PTPRD: variants seen among roughly 807,000 people sequenced by gnomAD.
PTPRD encodes the protein protein tyrosine phosphatase receptor type D.
A neutral mutation model predicts 214.5 loss-of-function variants in PTPRD; 34 were observed. The observed-to-expected ratio is 0.16, with a 90% CI of 0.12 to 0.21. PTPRD has a LOEUF of 0.21. PTPRD is among the 10% of genes least tolerant of loss of function. The probability of loss-of-function intolerance (pLI) is 1.00; values close to 1 mark genes in which losing one functional copy is unlikely to be tolerated. For missense variants in PTPRD, 2,545 were observed against 2,398.7 expected (o/e 1.06, Z -1.27); for synonymous variants, 1,128 against 845.7 (o/e 1.33, Z -5.79).
At chr9:8,511,629 C>T (rs1267448138) in intron 21 of PTPRD, among the ~76,000 whole-genome samples, 2 of 152,034 alleles carry the variant, frequency 1.3e-5, no homozygotes, top group African/African-American at 2.4e-5. Context: ...GCAGTTACTT[C>T]ATATTCAAAG....
At chr9:8,631,036 G>C (rs1019118843) in intron 14 of PTPRD, among the ~76,000 whole-genome samples, 3 of 151,924 alleles carry the variant, frequency 2.0e-5, no homozygotes, top group Admixed American at 6.6e-5. Flanking sequence ...TAAATAAATG[G>C]AGATTAAAAT....
chr9:10,236,343 C>T (rs1236173997), intron 3 of PTPRD, among the ~76,000 whole-genome samples: 2 of 151,872 alleles, frequency 1.3e-5, no homozygotes, highest in Non-Finnish European at 2.9e-5. Context: ...TTCTGGCGTA[C>T]TAAGAATGTT....
At chr9:10,488,271 G>A (rs2099146124) in intron 2 of PTPRD, among the ~76,000 whole-genome samples, 1 of 151,594 alleles carries the variant, frequency 6.6e-6, no homozygotes, top group African/African-American at 2.4e-5. Context: ...GGAGGCTGAG[G>A]CAGGAGAATG....
chr9:8,846,002 G>T (rs1244915625), intron 11 of PTPRD, among the ~76,000 whole-genome samples: 3 of 152,210 alleles, frequency 2.0e-5, no homozygotes, highest in Admixed American at 6.5e-5. Context: ...ATTGCTTTTG[G>T]TTCAATAATG....
At chr9:8,432,779 T>G (rs1216705586) in intron 35 of PTPRD, among the ~76,000 whole-genome samples, 2 of 152,326 alleles carry the variant, frequency 1.3e-5, no homozygotes, top group South Asian at 2.1e-4. Context: ...ATCTCCTTCA[T>G]GCCGGTTAAG....
At chr9:9,075,397 G>A (rs768367972) in intron 10 of PTPRD, among the ~76,000 whole-genome samples, 2 of 151,608 alleles carry the variant, frequency 1.3e-5, no homozygotes, top group African/African-American at 2.4e-5. Flanking sequence ...TTATTCATTC[G>A]ATATCGGTAT....
chr9:10,354,455 G>A (rs10118105), intron 2 of PTPRD, among the ~76,000 whole-genome samples: 77,100 of 151,942 alleles, frequency 0.51, 22,615 homozygotes, highest in African/African-American at 0.82. Context: ...TCACTTTTAT[G>A]AATGAAGCCT....
intron 8 of PTPRD, among the ~76,000 whole-genome samples, chr9:9,447,145 C>T (rs142559346): frequency 6.0e-4 from 92 of 152,192 alleles, no homozygotes; most frequent in Non-Finnish European, 1.1e-3. Flanking sequence ...TACTATTTAA[C>T]CCAGCAATCC....
intron 4 of PTPRD, among the ~76,000 whole-genome samples, chr9:9,942,605 A>T (rs1224531049): frequency 6.6e-6 from 1 of 152,130 alleles, no homozygotes; most frequent in Non-Finnish European, 1.5e-5. Flanking sequence ...TTGTGCTTCT[A>T]CCGACAATCT....
At chr9:8,686,965 T>A (rs1012256911) in intron 12 of PTPRD, among the ~76,000 whole-genome samples, 1 of 152,180 alleles carries the variant, frequency 6.6e-6, no homozygotes, top group Non-Finnish European at 1.5e-5. Context: ...GTGTAAGATA[T>A]GGTATTTCCC....
chr9:10,231,625 A>C (rs2154356506), intron 3 of PTPRD, among the ~76,000 whole-genome samples: 1 of 152,102 alleles, frequency 6.6e-6, no homozygotes, highest in Admixed American at 6.6e-5. Flanking sequence ...TACCCTTAAC[A>C]CTTAGGCAAT....
chr9:9,759,365 G>C (rs991718559), intron 6 of PTPRD, among the ~76,000 whole-genome samples: 22 of 152,096 alleles, frequency 1.4e-4, no homozygotes, highest in African/African-American at 5.3e-4. Context: ...TCCTCAAGAA[G>C]TCCCCACAAC....
chr9:10,043,618 A>ACAATTCAGAGTGTTTTAT (rs1339640255), intron 3 of PTPRD, among the ~76,000 whole-genome samples: 1 of 151,876 alleles, frequency 6.6e-6, no homozygotes, highest in Non-Finnish European at 1.5e-5. Context: ...GTTTAGGTCC[A>ACAATTCAGAGTGTTTTAT]CAATTCAGAG....
chr9:9,439,977 G>A (rs898652462), intron 8 of PTPRD, among the ~76,000 whole-genome samples: 1 of 152,162 alleles, frequency 6.6e-6, no homozygotes, highest in Non-Finnish European at 1.5e-5. Context: ...TCATGACATA[G>A]TAAAGTCACT....
chr9:8,796,388 C>A (rs1174304871), intron 11 of PTPRD, among the ~76,000 whole-genome samples: 1 of 152,094 alleles, frequency 6.6e-6, no homozygotes, highest in African/African-American at 2.4e-5. Flanking sequence ...ACAAAATGTT[C>A]TTCAGTAGGC....
chr9:9,218,409 C>T (rs530562679), intron 9 of PTPRD, among the ~76,000 whole-genome samples: 12 of 152,208 alleles, frequency 7.9e-5, no homozygotes, highest in South Asian at 4.1e-4. Flanking sequence ...GAAAATTTTA[C>T]GGAGTTTAAT....
chr9:9,946,676 T>G (rs1304604641), intron 4 of PTPRD, among the ~76,000 whole-genome samples: 1 of 152,062 alleles, frequency 6.6e-6, no homozygotes, highest in Non-Finnish European at 1.5e-5. Flanking sequence ...GGAGAACAGC[T>G]TGATCAGAGG....
intron 8 of PTPRD, among the ~76,000 whole-genome samples, chr9:9,505,215 A>G (rs895384455): frequency 9.9e-5 from 15 of 151,560 alleles, no homozygotes; most frequent in Non-Finnish European, 1.9e-4. Context: ...GTCTACCACA[A>G]TGGTTTCATT....
intron 8 of PTPRD, among the ~76,000 whole-genome samples, chr9:9,449,993 C>T (rs1331625564): frequency 6.6e-6 from 1 of 151,922 alleles, no homozygotes; most frequent in Non-Finnish European, 1.5e-5. Context: ...ATTTGGTTTT[C>T]CATTCCTGAG....
Sources: allele counts gnomAD v4.1 joint callset (sites outside exome capture counted in the v4.1 genomes callset), GRCh38; gene constraint gnomAD v4.1.1; transcripts MANE v1.5; gene names NCBI Gene and HGNC (gene_info 2026-07-23, HGNC 2026-07-21).